MAT2B: variants seen among roughly 807,000 people sequenced by gnomAD.
The protein encoded by MAT2B is methionine adenosyltransferase 2 non-catalytic beta subunit.
A neutral mutation model predicts 36.1 loss-of-function variants in MAT2B; 16 were observed. The ratio of observed to expected loss-of-function variants is 0.44; its 90% CI spans 0.30 to 0.67. The LOEUF is 0.67. Among genes scored for constraint, MAT2B ranks in the 30% least tolerant of loss-of-function variants. MAT2B has a pLI of 0.09. For missense variants in MAT2B, 332 were observed against 398.2 expected (o/e 0.83, Z 1.42); for synonymous variants, 148 against 136.9 (o/e 1.08, Z -0.57).
intron 1 of MAT2B, among the ~76,000 whole-genome samples, chr5:163,510,765 A>G (rs1292302335): frequency 6.6e-6 from 1 of 152,214 alleles, no homozygotes; most frequent in Non-Finnish European, 1.5e-5. Context: ...GGTTAAACTT[A>G]GAAAGCATTT....
chr5:163,505,727 C>T lies in MAT2B; in HGVS notation c.41C>T (p.Pro14Leu). 1 of 1,283,824 alleles carries T rather than the reference C, an allele frequency of 7.8e-7. No individual in the cohort carries two copies. The highest frequency in any genetic ancestry group is 9.9e-7 in the Non-Finnish European group (1 of 1,007,704). The allele number at this position is 1,283,824 out of a possible 1,614,324, so 79.5% of individuals were successfully genotyped here. A position where few individuals can be genotyped will look rare whatever the true frequency, so the allele number is the denominator to read the frequency against. The change falls in exon 1 of 7, where the codon CCC becomes CTC. Residue 14 changes from proline (P) to leucine (L), a missense_variant. Physicochemically the swap from Pro to Leu is moderately conservative, Grantham distance 98. Coordinates refer to ENST00000321757, the MANE Select transcript of MAT2B (RefSeq NM_013283.5). Reference protein sequence around the residue: ...REKELSIHFVPGSCRLVEEEV... With the variant: ...REKELSIHFVLGSCRLVEEEV... ...AAAGAGCTCTCTATACACTTTGTTC[C>T]CGGGAGCTGTCGGCTGGTGGAGGTG...
At chr5:163,509,558 C>G (rs193032357) in intron 1 of MAT2B, among the ~76,000 whole-genome samples, 8 of 152,116 alleles carry the variant, frequency 5.3e-5, no homozygotes, top group Non-Finnish European at 1.0e-4. Context: ...CACTGAAGCA[C>G]GAGAACCACT....
Position 163,517,662 on chromosome 5 carries a change from T to TC in MAT2B, c.823dup (p.His275ProfsTer7). 1 of 1,609,816 alleles carries TC rather than the reference T, an allele frequency of 6.2e-7. No homozygotes were observed. Among genetic ancestry groups the TC allele is most frequent in the Non-Finnish European group, 8.5e-7 (1 of 1,176,174 alleles). The stretch of plus-strand genomic sequence containing the variant: ...CAGATGCCTTCAACCTCCCCAGCAG[T>TC]CACTTAAGACCTGTAAGTACATGGC... On this transcript the variant is annotated frameshift_variant, in exon 6 of 7. Transcript: ENST00000321757. LOFTEE classifies it high-confidence loss of function.
intron 2 of MAT2B, chr5:163,512,895 G>T: frequency 3.5e-6 from 1 of 288,566 alleles, no homozygotes; most frequent in South Asian, 2.7e-5. Flanking sequence ...TGGCCAGGCT[G>T]GTCTTGAACT....
chr5:163,506,989 A>G (rs1215344221), intron 1 of MAT2B, among the ~76,000 whole-genome samples: 1 of 152,192 alleles, frequency 6.6e-6, no homozygotes, highest in Non-Finnish European at 1.5e-5. Flanking sequence ...TGTTGTTAGT[A>G]ATACTGTCTG....
At chr5:163,505,872 C>T (rs1759926628) in intron 1 of MAT2B, 123 bp downstream of exon 1, 5 of 689,878 alleles carry the variant, frequency 7.2e-6, no homozygotes, top group Non-Finnish European at 1.0e-5. Context: ...CGGGAGTGGT[C>T]TCACCGCCAC....
chr5:163,518,422 T>C lies in MAT2B; in HGVS notation c.*59T>C, dbSNP rs1439899293. On this transcript the variant is annotated 3_prime_UTR_variant, in exon 7 of 7. Transcript: ENST00000321757. The stretch of plus-strand genomic sequence containing the variant: ...TGAAAAGTATAGTATGTGGCACTTT[T>C]TAAAGAACAAAGGAAATAGTTTTGT... The C allele has an allele frequency of 1.1e-5, 16 of 1,427,098 alleles. No homozygotes were observed. The African/African-American group carries it at 2.3e-4, about 21-fold the overall frequency. The allele number at this position is 1,427,098 out of a possible 1,614,324, so 88.4% of individuals were successfully genotyped here.
chr5:163,513,730 T>TA (rs1760086360), intron 3 of MAT2B, 61 bp downstream of exon 3: 2 of 1,530,100 alleles, frequency 1.3e-6, no homozygotes, highest in Admixed American at 3.6e-5. Flanking sequence ...TTTTAGAAAT[T>TA]AAGGTTTTGT....
chr5:163,506,701 A>G (rs1270459748), intron 1 of MAT2B, among the ~76,000 whole-genome samples: 1 of 152,234 alleles, frequency 6.6e-6, no homozygotes, highest in African/African-American at 2.4e-5. Context: ...CTATGTTCCT[A>G]GGTCCTCCAG....
intron 1 of MAT2B, among the ~76,000 whole-genome samples, chr5:163,506,611 A>G (rs147806020): frequency 6.6e-6 from 1 of 152,268 alleles, no homozygotes; most frequent in African/African-American, 2.4e-5. Context: ...CAAAGTTTTC[A>G]TGCTTCCAAA....
intron 1 of MAT2B, among the ~76,000 whole-genome samples, chr5:163,508,287 A>T (rs977359952): frequency 3.3e-5 from 5 of 152,024 alleles, no homozygotes; most frequent in Non-Finnish European, 7.4e-5. Context: ...ACCCCGTCTG[A>T]AGTGCAGTGG....
intron 1 of MAT2B, 138 bp downstream of exon 1, chr5:163,505,887 C>G (rs979854767): frequency 1.7e-6 from 1 of 580,428 alleles, no homozygotes; most frequent in Non-Finnish European, 2.6e-6. Context: ...CGCCACCCTC[C>G]CAGCCCCGGA....
upstream of MAT2B, chr5:163,503,361 C>G: frequency 1.2e-6 from 2 of 1,610,686 alleles, no homozygotes; most frequent in Non-Finnish European, 1.7e-6. Flanking sequence ...TAAGACCCAT[C>G]CCGTATCTGC....
chr5:163,516,380 T>G, intron 4 of MAT2B, 138 bp from the exon 5 acceptor site: 2 of 679,008 alleles, frequency 2.9e-6, no homozygotes, highest in Non-Finnish European at 5.0e-6. Context: ...TTGTCACAAG[T>G]GAGCTGTGTC....
chr5:163,509,717 T>G (rs552317241), intron 1 of MAT2B, among the ~76,000 whole-genome samples: 1 of 152,382 alleles, frequency 6.6e-6, no homozygotes, highest in Non-Finnish European at 1.5e-5. Flanking sequence ...TCTCTGACTG[T>G]ATCTGTACTA....
rs1260291176 is a variant in MAT2B, at chr5:163,518,681, C to A, written c.*318C>A. ...TGTAGACTTTTCAGATGAAATTGTT[C>A]ATTCTCGTAACCTCCATATTTTCAG... On this transcript the variant is annotated 3_prime_UTR_variant, in exon 7 of 7. Coordinates refer to ENST00000321757, the MANE Select transcript of MAT2B (RefSeq NM_013283.5). 2 of 179,112 alleles carry A rather than the reference C, an allele frequency of 1.1e-5. No individual in the cohort carries two copies. Among genetic ancestry groups the A allele is most frequent in the East Asian group, 2.8e-4 (2 of 7,020 alleles). 11.1% of individuals were successfully genotyped at this position (179,112 alleles called of 1,614,324 possible).
intron 1 of MAT2B, 74 bp downstream of exon 1, chr5:163,505,823 G>C: frequency 8.6e-7 from 1 of 1,163,050 alleles, no homozygotes; most frequent in Non-Finnish European, 1.1e-6. Flanking sequence ...GGCTCGGGCG[G>C]CTTTGCAGGC....
chr5:163,503,927 C>G (rs1759888044), upstream of MAT2B, among the ~76,000 whole-genome samples: 1 of 152,168 alleles, frequency 6.6e-6, no homozygotes, highest in Non-Finnish European at 1.5e-5. Flanking sequence ...CATATCCAAA[C>G]ATATGCCCCT....
At position 163,512,052 on chromosome 5, in the gene MAT2B, G is replaced by A. The variant is rs375538961; in HGVS notation, c.114G>A (p.Gly38=). 1 of 1,614,174 alleles carries A rather than the reference G, an allele frequency of 6.2e-7. No homozygotes were observed. The highest frequency in any genetic ancestry group is 1.7e-5 in the Admixed American group (1 of 60,020). Residue 38 remains glycine (G), a synonymous_variant, in exon 2 of 7, where the codon GGG becomes GGA. Coordinates refer to ENST00000321757, the MANE Select transcript of MAT2B (RefSeq NM_013283.5). ...NRRVLVTGAT[G]LLGRAVHKEF... is the part of the protein sequence containing the mutation. ...GGGTTCTGGTTACTGGTGCCACTGG[G>A]CTTCTTGGCAGAGCTGTACACAAAG... is the stretch of plus-strand genomic sequence containing the variant.
Sources: allele counts gnomAD v4.1 joint callset (sites outside exome capture counted in the v4.1 genomes callset), GRCh38; gene constraint gnomAD v4.1.1; transcripts MANE v1.5; gene names NCBI Gene and HGNC (gene_info 2026-07-23, HGNC 2026-07-21).